The following ATP2B2 variants were observed in gnomAD, a reference collection of about 807,000 sequenced individuals.
ATP2B2 encodes plasma membrane calcium-transporting ATPase 2.
A neutral mutation model predicts 120.0 loss-of-function variants in ATP2B2; 15 were observed. The observed-to-expected ratio is 0.12, with a 90% confidence interval of 0.08 to 0.19. The LOEUF (loss-of-function observed/expected upper bound fraction) is 0.19. Ranked by LOEUF, ATP2B2 falls within the 10% of genes least tolerant of loss-of-function variation. The pLI, the probability that ATP2B2 is intolerant of heterozygous loss-of-function variation, is 1.00. For missense variants in ATP2B2, 1,045 were observed against 1,719.8 expected (o/e 0.61, Z 6.94); for synonymous variants, 694 against 700.3 (o/e 0.99, Z 0.14).
At chr3:10,417,844 C>G (rs1031304901) in intron 2 of ATP2B2, among the ~76,000 whole-genome samples, 1 of 152,188 alleles carries the variant, frequency 6.6e-6, no homozygotes, top group Non-Finnish European at 1.5e-5. Flanking sequence ...GCAAGAGAAA[C>G]TCCAAAGGTC....
At chr3:10,707,419 G>A (rs1186226817) in intron 1 of ATP2B2, among the ~76,000 whole-genome samples, 1 of 152,174 alleles carries the variant, frequency 6.6e-6, no homozygotes, top group Non-Finnish European at 1.5e-5. Context: ...GGGGAAGGGA[G>A]AAGCCCCCAG....
chr3:10,385,944 G>A (rs1026517953), intron 7 of ATP2B2, among the ~76,000 whole-genome samples: 2 of 152,346 alleles, frequency 1.3e-5, no homozygotes, highest in South Asian at 2.1e-4. Context: ...GTGACATCAA[G>A]CATGTTGCAT....
intron 2 of ATP2B2, among the ~76,000 whole-genome samples, chr3:10,585,628 G>T (rs547549723): frequency 6.7e-6 from 1 of 149,528 alleles, no homozygotes; most frequent in Non-Finnish European, 1.5e-5. Context: ...CCTTCTTTCT[G>T]TCTCACCAAC....
At chr3:10,606,598 T>C (rs1253183050) in intron 2 of ATP2B2, among the ~76,000 whole-genome samples, 3 of 152,066 alleles carry the variant, frequency 2.0e-5, no homozygotes, top group African/African-American at 7.2e-5. Context: ...CTGAATCCTG[T>C]GGGTGGACGT....
intron 1 of ATP2B2, among the ~76,000 whole-genome samples, chr3:10,691,893 G>C (rs543436961): frequency 6.6e-6 from 1 of 152,152 alleles, no homozygotes; most frequent in Non-Finnish European, 1.5e-5. Flanking sequence ...GGAATGACAG[G>C]TGCTAGGAGC....
At chr3:10,575,500 G>T (rs536468284) in intron 2 of ATP2B2, among the ~76,000 whole-genome samples, 2 of 152,286 alleles carry the variant, frequency 1.3e-5, no homozygotes, top group Non-Finnish European at 2.9e-5. Context: ...TGTGGAGATG[G>T]ATAGTGGTGA....
At chr3:10,591,901 C>A (rs2125578543) in intron 2 of ATP2B2, among the ~76,000 whole-genome samples, 1 of 152,304 alleles carries the variant, frequency 6.6e-6, no homozygotes, top group South Asian at 2.1e-4. Flanking sequence ...GGGCAGACCA[C>A]AGGGACTGAG....
chr3:10,625,656 G>T (rs1180199066), intron 1 of ATP2B2, among the ~76,000 whole-genome samples: 1 of 152,178 alleles, frequency 6.6e-6, no homozygotes, highest in African/African-American at 2.4e-5. Context: ...GCTTGGAGGA[G>T]AGTGGCCAGG....
intron 2 of ATP2B2, among the ~76,000 whole-genome samples, chr3:10,441,909 A>G (rs917031576): frequency 1.3e-5 from 2 of 152,192 alleles, no homozygotes; most frequent in Non-Finnish European, 2.9e-5. Context: ...AGGACTTAGA[A>G]GGTGAAGCTG....
intron 2 of ATP2B2, among the ~76,000 whole-genome samples, chr3:10,535,936 T>G (rs2067304963): frequency 6.6e-6 from 1 of 152,278 alleles, no homozygotes; most frequent in East Asian, 1.9e-4. Flanking sequence ...TTTAAGAAAC[T>G]GTCAAACTGT....
intron 17 of ATP2B2, 37 bp from the exon 18 acceptor site, chr3:10,345,612 C>A (rs760572482): frequency 6.2e-7 from 1 of 1,604,080 alleles, no homozygotes; most frequent in African/African-American, 1.3e-5. Context: ...GTGGGGTGGC[C>A]GGGGGAGGTG....
At chr3:10,611,695 G>T (rs1391653752) in intron 2 of ATP2B2, among the ~76,000 whole-genome samples, 1 of 152,144 alleles carries the variant, frequency 6.6e-6, no homozygotes, top group Admixed American at 6.5e-5. Context: ...CCTCATTTCT[G>T]CCCGTCTCCT....
intron 3 of ATP2B2, among the ~76,000 whole-genome samples, chr3:10,519,774 C>T (rs927471445): frequency 1.3e-5 from 2 of 152,262 alleles, no homozygotes; most frequent in African/African-American, 2.4e-5. Context: ...GAGCCAGGCA[C>T]TCAGCAGTCA....
At chr3:10,579,775 A>T (rs982826345) in intron 2 of ATP2B2, among the ~76,000 whole-genome samples, 1 of 150,840 alleles carries the variant, frequency 6.6e-6, no homozygotes, top group African/African-American at 2.4e-5. Flanking sequence ...ATGCCACTGC[A>T]CTCCAGCCTG....
chr3:10,480,867 G>A (rs1293879935), intron 1 of ATP2B2, among the ~76,000 whole-genome samples: 1 of 152,216 alleles, frequency 6.6e-6, no homozygotes, highest in East Asian at 1.9e-4. Flanking sequence ...AAACCTCCCA[G>A]TGGCTTCCAG....
At chr3:10,336,987 G>A (rs2125351104) in intron 22 of ATP2B2, among the ~76,000 whole-genome samples, 1 of 152,320 alleles carries the variant, frequency 6.6e-6, no homozygotes, top group Non-Finnish European at 1.5e-5. Context: ...GACCTCCCAG[G>A]AGGTGGGGGC....
chr3:10,421,559 A>G (rs773429780), intron 2 of ATP2B2, among the ~76,000 whole-genome samples: 22 of 152,206 alleles, frequency 1.4e-4, no homozygotes, highest in Non-Finnish European at 3.2e-4. Flanking sequence ...AGGAGACTGG[A>G]AGAGGAGATG....
At chr3:10,634,209 T>C (rs1439262208) in intron 1 of ATP2B2, among the ~76,000 whole-genome samples, 1 of 152,224 alleles carries the variant, frequency 6.6e-6, no homozygotes, top group Non-Finnish European at 1.5e-5. Flanking sequence ...TTTATTACTT[T>C]CAATCACATG....
chr3:10,401,884 A>G (rs1334024357), intron 4 of ATP2B2, among the ~76,000 whole-genome samples: 1 of 152,124 alleles, frequency 6.6e-6, no homozygotes, highest in Non-Finnish European at 1.5e-5. Flanking sequence ...TGTACTTGTC[A>G]TTTCTGATTT....
Sources: gnomAD v4.1 joint callset for allele counts (sites outside exome capture counted in the v4.1 genomes callset) on GRCh38, gnomAD v4.1.1 for gene constraint, MANE v1.5 for transcripts, NCBI Gene and HGNC (gene_info 2026-07-23, HGNC 2026-07-21) for gene names.